CCDC63: variants seen among roughly 807,000 people sequenced by gnomAD.
CCDC63 encodes the protein coiled-coil domain-containing protein 63.
CCDC63 carries 54 observed loss-of-function variants against 63.6 expected under a neutral mutation model. That is an observed-to-expected ratio of 0.85 (90% CI 0.68 to 1.07). The LOEUF (loss-of-function observed/expected upper bound fraction) is 1.07, where lower values mean the gene tolerates loss of function less well. CCDC63 is among the 50% of genes least tolerant of loss of function. The pLI, the probability that CCDC63 is intolerant of heterozygous loss-of-function variation, is 0.00. For missense variants in CCDC63, 637 were observed against 689.6 expected (o/e 0.92, Z 0.86); for synonymous variants, 253 against 266.1 (o/e 0.95, Z 0.48).
intron 10 of CCDC63, among the ~76,000 whole-genome samples, chr12:110,899,776 A>G (rs1199364872): frequency 1.3e-5 from 2 of 151,950 alleles, no homozygotes; most frequent in Non-Finnish European, 2.9e-5. Context: ...TAGTTATTAG[A>G]GAAAAATGAT....
chr12:110,896,048 A>G lies in CCDC63; in HGVS notation c.1150-2885A>G, dbSNP rs540714990. On this transcript the variant is annotated intron_variant, in intron 9 of 11. Transcript: ENST00000308208. ...GGAATATTTTAGGAGCTAGACATGT[A>G]TTATAACCACCACATCAAGCTGAAC... is the stretch of plus-strand genomic sequence containing the variant. Among the ~76,000 whole-genome samples the G allele has an allele frequency of 3.9e-5, 6 of 152,354 alleles. No individual in the cohort carries two copies. In the East Asian group the frequency reaches 7.7e-4, roughly 20 times the overall value.
At chr12:110,880,749 ATGG>A (rs1366684380) in intron 6 of CCDC63, among the ~76,000 whole-genome samples, 2 of 504 alleles carry the variant, frequency 4.0e-3, no homozygotes, top group Admixed American at 0.017. Context: ...GGTGATGGTG[ATGG>A]TGGTGATGAT....
chr12:110,904,823 T>TC, intron 11 of CCDC63, 32 bp downstream of exon 11: 7 of 1,551,114 alleles, frequency 4.5e-6, no homozygotes, highest in Non-Finnish European at 6.1e-6. Flanking sequence ...CTGCACAGGT[T>TC]GCTAGGGAAC....
intron 4 of CCDC63, among the ~76,000 whole-genome samples, chr12:110,871,367 T>C (rs1420678662): frequency 6.6e-6 from 1 of 152,146 alleles, no homozygotes; most frequent in East Asian, 1.9e-4. Context: ...GGTCTTGATC[T>C]CCTGACCTCA....
chr12:110,867,383 G>A (rs1319061748), intron 4 of CCDC63, among the ~76,000 whole-genome samples: 2 of 124,760 alleles, frequency 1.6e-5, no homozygotes, highest in African/African-American at 6.4e-5. Flanking sequence ...GGACAGGGCG[G>A]CTGGCCGGGC....
intron 4 of CCDC63, among the ~76,000 whole-genome samples, chr12:110,868,107 G>C: frequency 6.7e-6 from 1 of 149,446 alleles, no homozygotes. Flanking sequence ...CGGCGGGGCA[G>C]AGGCGCTCCC....
chr12:110,874,403 C>G (rs1416849219), intron 5 of CCDC63, among the ~76,000 whole-genome samples: 2 of 152,182 alleles, frequency 1.3e-5, no homozygotes, highest in Admixed American at 1.3e-4. Flanking sequence ...AAAGGTGACA[C>G]TGATCATCCT....
At chr12:110,888,896 G>A (rs535244564) in intron 8 of CCDC63, among the ~76,000 whole-genome samples, 6 of 143,712 alleles carry the variant, frequency 4.2e-5, no homozygotes, top group African/African-American at 1.0e-4. Flanking sequence ...TTTTTTTGCA[G>A]GATCTCACAC....
chr12:110,848,929 A>G (rs2070672269), intron 1 of CCDC63, among the ~76,000 whole-genome samples: 1 of 152,350 alleles, frequency 6.6e-6, no homozygotes, highest in Non-Finnish European at 1.5e-5. Flanking sequence ...GGTCCCAGAG[A>G]GAGCATCCTG....
intron 1 of CCDC63, among the ~76,000 whole-genome samples, chr12:110,851,676 G>C (rs2070707396): frequency 6.6e-6 from 1 of 152,110 alleles, no homozygotes; most frequent in Non-Finnish European, 1.5e-5. Flanking sequence ...CCAGGAGATA[G>C]AGGAACACCC....
chr12:110,867,377 A>C (rs1214844801), intron 4 of CCDC63, among the ~76,000 whole-genome samples: 4 of 54,692 alleles, frequency 7.3e-5, no homozygotes, highest in South Asian at 6.9e-4. Flanking sequence ...CCTCCCGGAC[A>C]GGGCGGCTGG....
At chr12:110,845,500 A>G (rs1360775479), upstream of CCDC63, 2 of 152,200 alleles carry the variant, frequency 1.3e-5, no homozygotes, top group Admixed American at 6.5e-5. Flanking sequence ...AGTGTATCCA[A>G]AACACTTCAT....
intron 8 of CCDC63, 82 bp from the exon 9 acceptor site, chr12:110,892,994 C>A: frequency 9.0e-7 from 1 of 1,108,538 alleles, no homozygotes; most frequent in Non-Finnish European, 1.4e-6. Flanking sequence ...CTCATCGACT[C>A]TTTGAGGCGC....
chr12:110,877,537 A>G (rs2071146627), intron 5 of CCDC63, among the ~76,000 whole-genome samples: 1 of 151,620 alleles, frequency 6.6e-6, no homozygotes, highest in Admixed American at 6.6e-5. Context: ...GTACAATTAG[A>G]GTCCCTGGAG....
intron 3 of CCDC63, among the ~76,000 whole-genome samples, chr12:110,856,087 CTTTTTTT>C (rs540538418): frequency 1.5e-5 from 2 of 130,370 alleles, no homozygotes; most frequent in African/African-American, 2.8e-5. Flanking sequence ...TTTTTTTTTT[CTTTTTTT>C]TTTTTTTTTG....
At position 110,862,218 on chromosome 12, in the gene CCDC63, C is replaced by T. The variant is rs565856745; in HGVS notation, c.369+3443C>T. On this transcript the variant is annotated intron_variant, in intron 4 of 11. Coordinates refer to ENST00000308208, the MANE Select transcript of CCDC63 (RefSeq NM_152591.3). ...GAAGCATTAGGAAGAGGCAACACAGCGTGGGGTCCTCAGAAGTTTCTGGGG... is the reference window on the plus strand; with the variant it reads ...GAAGCATTAGGAAGAGGCAACACAGTGTGGGGTCCTCAGAAGTTTCTGGGG... Among the ~76,000 whole-genome samples the T allele has an allele frequency of 3.3e-5, 5 of 152,306 alleles. No homozygotes were observed. In the East Asian group the frequency reaches 5.8e-4, roughly 18 times the overall value.
chr12:110,879,121 C>A (rs1389742111), intron 5 of CCDC63, among the ~76,000 whole-genome samples: 1 of 152,116 alleles, frequency 6.6e-6, no homozygotes, highest in Non-Finnish European at 1.5e-5. Context: ...AGTCATAAGA[C>A]CAGTATTACA....
intron 1 of CCDC63, among the ~76,000 whole-genome samples, chr12:110,852,082 G>T (rs897348136): frequency 6.6e-6 from 1 of 152,200 alleles, no homozygotes; most frequent in African/African-American, 2.4e-5. Context: ...AGGATGTGAT[G>T]TGTGGGATTA....
At chr12:110,878,046 C>A (rs2071154224) in intron 5 of CCDC63, among the ~76,000 whole-genome samples, 1 of 151,990 alleles carries the variant, frequency 6.6e-6, no homozygotes. Flanking sequence ...TAAATGAGAT[C>A]ATGCAATATT....
Sources: allele counts gnomAD v4.1 joint callset (sites outside exome capture counted in the v4.1 genomes callset), GRCh38; gene constraint gnomAD v4.1.1; transcripts MANE v1.5; gene names NCBI Gene and HGNC (gene_info 2026-07-23, HGNC 2026-07-21).